ATN1: variants seen among roughly 807,000 people sequenced by gnomAD.
ATN1 encodes the protein atrophin 1.
Under a neutral mutation model 85.8 loss-of-function variants are expected in ATN1, and 19 were observed. The ratio of observed to expected loss-of-function variants is 0.22; its 90% CI spans 0.15 to 0.32. The LOEUF (loss-of-function observed/expected upper bound fraction) is 0.32, where lower values mean the gene tolerates loss of function less well. ATN1 is among the 10% of genes least tolerant of loss of function. The probability of loss-of-function intolerance (pLI) is 1.00; values close to 1 mark genes in which losing one functional copy is unlikely to be tolerated. For missense variants in ATN1, 1,453 were observed against 1,564.5 expected, an observed-to-expected ratio of 0.93 and a Z score of 1.20; for synonymous variants, 674 against 657.0, an observed-to-expected ratio of 1.03 and a Z score of -0.39.
chr12:6,937,462 A>C lies in ATN1; in HGVS notation c.2195A>C (p.Glu732Ala). Residue 732 changes from glutamate to alanine, a missense_variant, in exon 5 of 10, where the codon GAG becomes GCG. Physicochemically the swap from Glu to Ala is moderately radical, Grantham distance 107. Coordinates refer to ENST00000396684, the MANE Select transcript of ATN1 (RefSeq NM_001940.4). The surrounding 1 kb of genome is among the most constrained non-coding windows in gnomAD (Gnocchi z 6.0). ...ACGCAGATCAAACAGGAGCCGGCTGAGGAGTATGAGACCCCCGAGAGCCCG... is the reference window on the plus strand; with the variant it reads ...ACGCAGATCAAACAGGAGCCGGCTGCGGAGTATGAGACCCCCGAGAGCCCG... ...SATQIKQEPAEEYETPESPVP... is the reference protein window; with the variant it reads ...SATQIKQEPAAEYETPESPVP... 1 of 1,546,684 alleles carries C rather than the reference A, an allele frequency of 6.5e-7. No individual in the cohort carries two copies. The highest frequency in any genetic ancestry group is 8.7e-7 in the Non-Finnish European group (1 of 1,147,218).
chr12:6,934,679 G>T lies in ATN1; in HGVS notation c.279+101G>T, dbSNP rs1030567215. ...TAGCTGGATCTCTCCTGGGACATAA[G>T]AGAAAGGCCAGATCATAGTGCTTAT... On this transcript the variant is annotated intron_variant, in intron 4 of 9. Coordinates refer to ENST00000396684, the MANE Select transcript of ATN1 (RefSeq NM_001940.4). The surrounding 1 kb of genome is among the most constrained non-coding windows in gnomAD (Gnocchi z 4.5). 3 of 865,220 alleles carry T rather than the reference G, an allele frequency of 3.5e-6. No homozygotes were observed. Among genetic ancestry groups the T allele is most frequent in the Non-Finnish European group, 5.6e-6 (3 of 536,688 alleles). The allele number at this position is 865,220 out of a possible 1,614,324, so 53.6% of individuals were successfully genotyped here.
In ATN1 at chr12:6,941,394, C is replaced by T. The variant is rs1945632599; in HGVS notation, c.3379C>T (p.Pro1127Ser). Residue 1127 changes from proline to serine, a missense_variant, in exon 9 of 10, where the codon CCG (proline) becomes TCG (serine). Coordinates refer to ENST00000396684, the MANE Select transcript of ATN1 (RefSeq NM_001940.4). This position sits in a 1 kb window ranked among gnomAD's most constrained non-coding sequence, Gnocchi z 5.9. The stretch of plus-strand genomic sequence containing the variant: ...CACAGCTGCCCCTTACCGGGACCTG[C>T]CGGCCTCCCTTTCTGCCCCGATGTC... ...QLFAAPYRDLPASLSAPMSAA... is the reference protein window; with the variant it reads ...QLFAAPYRDLSASLSAPMSAA... 6.2e-7 allele frequency: 1 copy of T among 1,603,076 alleles called. No individual in the cohort carries two copies. The highest frequency in any genetic ancestry group is 8.5e-7 in the Non-Finnish European group (1 of 1,173,882).
At position 6,941,156 on chromosome 12, in the gene ATN1, G is replaced by A; in HGVS notation, c.3358+133G>A. ...CTAGAGGAGCTGGGCATGGGAATAGGAGAGCTGGAGCTCTGCCCAAGAGAA... is the reference window on the plus strand; with the variant it reads ...CTAGAGGAGCTGGGCATGGGAATAGAAGAGCTGGAGCTCTGCCCAAGAGAA... On this transcript the variant is annotated intron_variant, in intron 8 of 9. Coordinates refer to ENST00000396684, the MANE Select transcript of ATN1 (RefSeq NM_001940.4). The surrounding 1 kb of genome is among the most constrained non-coding windows in gnomAD (Gnocchi z 5.9). 7.8e-7 allele frequency: 1 copy of A among 1,283,480 alleles called. No individual in the cohort carries two copies. The highest frequency in any genetic ancestry group is 1.5e-5 in the South Asian group (1 of 67,812). 79.5% of individuals were successfully genotyped at this position (1,283,480 alleles called of 1,614,324 possible).
Position 6,934,604 on chromosome 12 carries a change from A to T in ATN1, c.279+26A>T. On this transcript the variant is annotated intron_variant, in intron 4 of 9. Transcript: ENST00000396684. This position sits in a 1 kb window ranked among gnomAD's most constrained non-coding sequence, Gnocchi z 4.5. ...GTGGGAAACCCTTGTCGCCATCCTGACCCATCTTGTGACCATTCTTTTCTC... is the reference window on the plus strand; with the variant it reads ...GTGGGAAACCCTTGTCGCCATCCTGTCCCATCTTGTGACCATTCTTTTCTC... 6.7e-7 allele frequency: 1 copy of T among 1,493,268 alleles called. No individual in the cohort carries two copies. Among genetic ancestry groups the T allele is most frequent in the Non-Finnish European group, 9.1e-7 (1 of 1,093,600 alleles). 92.5% of individuals were successfully genotyped at this position (1,493,268 alleles called of 1,614,324 possible). A position where few individuals can be genotyped will look rare whatever the true frequency, so the allele number is the denominator to read the frequency against.
chr12:6,938,790 C>T lies in ATN1; in HGVS notation c.2827C>T (p.Arg943Cys). Residue 943 changes from arginine to cysteine, a missense_variant, in exon 7 of 10, where the codon CGT (arginine) becomes TGT (cysteine). Arg to Cys is a radical substitution (Grantham distance 180). Around this residue, in one of 6 missense-constraint regions of ATN1, gnomAD observed 208 missense variants for 263.4 expected, o/e 0.79. Transcript: ENST00000396684. ...ACGGGAAGCCCGTGAACGAGACCTC[C>T]GTGACCGCCTCAAGCCTGGCTTTGA... Reference protein sequence around the residue: ...REREARERDLRDRLKPGFEVK... With the variant: ...REREARERDLCDRLKPGFEVK... 1 of 1,614,132 alleles carries T rather than the reference C, an allele frequency of 6.2e-7. No individual in the cohort carries two copies. Among genetic ancestry groups the T allele is most frequent in the Non-Finnish European group, 8.5e-7 (1 of 1,180,040 alleles).
chr12:6,930,261 T>A (rs1363470190), intron 1 of ATN1, among the ~76,000 whole-genome samples: 1 of 152,176 alleles, frequency 6.6e-6, no homozygotes, highest in Non-Finnish European at 1.5e-5. Context: ...GCTGCATTGT[T>A]ATCTAGGAGT....
chr12:6,933,221 CTTTTT>C (rs782089414), intron 1 of ATN1, among the ~76,000 whole-genome samples: 1 of 144,394 alleles, frequency 6.9e-6, no homozygotes, highest in Non-Finnish European at 1.5e-5. Context: ...TTTCTTTTTT[CTTTTT>C]TTTTTTTTGA....
chr12:6,941,738 C>T lies in ATN1; in HGVS notation c.3540-9C>T, dbSNP rs377078262. ...CTTACCTCTCTGCTATGCACTGCCC[C>T]TTCCCTAGTCACCTGAAGAAGGAAA... On this transcript the variant is annotated splice_polypyrimidine_tract_variant and intron_variant, in intron 9 of 9. Coordinates refer to ENST00000396684, the MANE Select transcript of ATN1 (RefSeq NM_001940.4). This position sits in a 1 kb window ranked among gnomAD's most constrained non-coding sequence, Gnocchi z 5.9. 4.3e-6 allele frequency: 7 copies of T among 1,613,852 alleles called. No homozygotes were observed. The highest frequency in any genetic ancestry group is 5.9e-6 in the Non-Finnish European group (7 of 1,179,848).
chr12:6,935,517 G>C lies in ATN1; in HGVS notation c.280-30G>C, dbSNP rs782237639. On this transcript the variant is annotated intron_variant, in intron 4 of 9. Transcript: ENST00000396684. The surrounding 1 kb of genome is among the most constrained non-coding windows in gnomAD (Gnocchi z 5.3). Reference sequence around the variant, plus strand: ...ATCTCAGGGAAGCAGGAAAGGAAAAGAGAAAAAATGAGTCTTCCCTTTTCT... The same window carrying C: ...ATCTCAGGGAAGCAGGAAAGGAAAACAGAAAAAATGAGTCTTCCCTTTTCT... 6.3e-7 allele frequency: 1 copy of C among 1,595,510 alleles called. No homozygotes were observed.
chr12:6,939,023 G>A lies in ATN1; in HGVS notation c.3060G>A (p.Arg1020=). 6.2e-7 allele frequency: 1 copy of A among 1,610,612 alleles called. No individual in the cohort carries two copies. The highest frequency in any genetic ancestry group is 8.5e-7 in the Non-Finnish European group (1 of 1,180,010). The stretch of plus-strand genomic sequence containing the variant: ...GGCCTGACATGTCCTATGCTGAGCG[G>A]CTGGCAGCTGAGAGGCAGCACGCAG... ...ALRPDMSYAE[R]LAAERQHAER... is the part of the protein sequence containing the mutation. The change falls in exon 7 of 10, where the codon CGG becomes CGA. Residue 1020 remains arginine, a synonymous_variant. Transcript: ENST00000396684.
Position 6,942,139 on chromosome 12 carries a change from C to T in ATN1, c.*359C>T, listed in dbSNP as rs1347076119. 7 of 327,302 alleles carry T rather than the reference C, an allele frequency of 2.1e-5. No individual in the cohort carries two copies. The highest frequency in any genetic ancestry group is 4.2e-5 in the Admixed American group (1 of 23,530). 20.3% of individuals were successfully genotyped at this position (327,302 alleles called of 1,614,324 possible). A position where few individuals can be genotyped will look rare whatever the true frequency, so the allele number is the denominator to read the frequency against. On this transcript the variant is annotated 3_prime_UTR_variant, in exon 10 of 10. Coordinates refer to ENST00000396684, the MANE Select transcript of ATN1 (RefSeq NM_001940.4). ...TCATCTGTTAGATGTGGCTGTTTTG[C>T]GTAGCATCGTGTGCCACCCCTGCCC... is the stretch of plus-strand genomic sequence containing the variant.
rs782715706 is a variant in ATN1 at position 6,935,974 on chromosome 12, A to G, written c.707A>G (p.Lys236Arg). ...GVLSGPPMGP[K>R]GGGAASSVGG... ...TTGTCTGGACCCCCAATGGGTCCCA[A>G]GGGGGGAGGGGCTGCCTCATCAGTG... Residue 236 changes from lysine to arginine, a missense_variant, in exon 5 of 10, where the codon AAG becomes AGG. By Grantham distance (26) the Lys-to-Arg change is conservative. Around this residue, in one of 6 missense-constraint regions of ATN1, gnomAD observed 990 missense variants for 914.8 expected, o/e 1.08. Coordinates refer to ENST00000396684, the MANE Select transcript of ATN1 (RefSeq NM_001940.4). This position sits in a 1 kb window ranked among gnomAD's most constrained non-coding sequence, Gnocchi z 5.3. 1 of 1,589,370 alleles carries G rather than the reference A, an allele frequency of 6.3e-7. No individual in the cohort carries two copies. Among genetic ancestry groups the G allele is most frequent in the East Asian group, 2.2e-5 (1 of 44,654 alleles).
In ATN1 at chr12:6,936,449, C is replaced by G. The variant is rs1369213372; in HGVS notation, c.1182C>G (p.Ser394=). 6.2e-7 allele frequency: 1 copy of G among 1,610,074 alleles called. No individual in the cohort carries two copies. The highest frequency in any genetic ancestry group is 2.2e-5 in the East Asian group (1 of 44,834). ...CCTCTTCCAGTTCTTCCTCCTCTTCCTCTGCCTCCCCCTTCCCAGCTTCCC... is the reference window on the plus strand; with the variant it reads ...CCTCTTCCAGTTCTTCCTCCTCTTCGTCTGCCTCCCCCTTCCCAGCTTCCC... ...AASSSSSSSS[S]SASPFPASQA... Residue 394 remains serine (S), a synonymous_variant, in exon 5 of 10, where the codon TCC becomes TCG. Coordinates refer to ENST00000396684, the MANE Select transcript of ATN1 (RefSeq NM_001940.4).
In ATN1 at chr12:6,937,525, T is replaced by C. The variant is rs1565567743; in HGVS notation, c.2258T>C (p.Val753Ala). The stretch of plus-strand genomic sequence containing the variant: ...CGCAGCCCCTCGCCCCCTCCCAAGG[T>C]GGTAGATGTACCCAGCCATGCCAGT... The part of the protein sequence containing the change: ...PARSPSPPPK[V>A]VDVPSHASQS... Residue 753 changes from valine (V) to alanine (A), a missense_variant, in exon 5 of 10, where the codon GTG (valine) becomes GCG (alanine). Around this residue, in one of 6 missense-constraint regions of ATN1, gnomAD observed 990 missense variants for 914.8 expected, o/e 1.08. Transcript: ENST00000396684. The surrounding 1 kb of genome is among the most constrained non-coding windows in gnomAD (Gnocchi z 6.0). 6.5e-7 allele frequency: 1 copy of C among 1,530,112 alleles called. No individual in the cohort carries two copies. Among genetic ancestry groups the C allele is most frequent in the Admixed American group, 2.1e-5 (1 of 46,940 alleles). 94.8% of individuals were successfully genotyped at this position (1,530,112 alleles called of 1,614,324 possible).
In ATN1 at chr12:6,928,294, G is replaced by C. The variant is rs1319860561; in HGVS notation, c.-253G>C. On this transcript the variant is annotated 5_prime_UTR_variant, in exon 1 of 10. Transcript: ENST00000396684. ...GCGACTGAGGCCGAGAAGAGGAGAG[G>C]GGGGCGGGGGAGCTGCCGCCGCCGC... 3 of 149,308 alleles carry C rather than the reference G, an allele frequency of 2.0e-5. No individual in the cohort carries two copies. The highest frequency in any genetic ancestry group is 7.4e-5 in the African/African-American group (3 of 40,700). 9.2% of individuals were successfully genotyped at this position (149,308 alleles called of 1,614,324 possible). A position where few individuals can be genotyped will look rare whatever the true frequency, so the allele number is the denominator to read the frequency against.
chr12:6,930,741 A>G (rs996670832), intron 1 of ATN1, among the ~76,000 whole-genome samples: 10 of 152,176 alleles, frequency 6.6e-5, no homozygotes, highest in Non-Finnish European at 1.5e-5. Context: ...GCTTGCAGTG[A>G]GCCGAGCCGA....
chr12:6,925,256 T>A (rs1591656129), upstream of ATN1, among the ~76,000 whole-genome samples: 1 of 152,018 alleles, frequency 6.6e-6, no homozygotes, highest in African/African-American at 2.4e-5. Context: ...CCATCCCCTA[T>A]CCCCACATAT....
At position 6,929,017 on chromosome 12, in the gene ATN1, G is replaced by A. The variant is rs1251475373; in HGVS notation, c.-163+633G>A. Among the ~76,000 whole-genome samples, 4 of 152,168 alleles carry A rather than the reference G, an allele frequency of 2.6e-5. No individual in the cohort carries two copies. In the South Asian group the frequency reaches 8.3e-4, roughly 32 times the overall value. On this transcript the variant is annotated intron_variant, in intron 1 of 9. Transcript: ENST00000396684. Reference sequence around the variant, plus strand: ...AGGTTTTCCAGCGTGGAAGAGGGAAGGCCATGTCTTTGTGACGGTTTTCAT... The same window carrying A: ...AGGTTTTCCAGCGTGGAAGAGGGAAAGCCATGTCTTTGTGACGGTTTTCAT...
In ATN1 at chr12:6,933,986, C is replaced by T. The variant is rs782405840; in HGVS notation, c.-16C>T. ...CTGCCCAGGCAGAGGAGAATGGGGTCTCCACAGCCTGAAGAATGAAGACAC... is the reference window on the plus strand; with the variant it reads ...CTGCCCAGGCAGAGGAGAATGGGGTTTCCACAGCCTGAAGAATGAAGACAC... On this transcript the variant is annotated 5_prime_UTR_variant, in exon 2 of 10. Transcript: ENST00000396684. 2 of 1,600,602 alleles carry T rather than the reference C, an allele frequency of 1.2e-6. No homozygotes were observed. Among genetic ancestry groups the T allele is most frequent in the South Asian group, 1.1e-5 (1 of 88,748 alleles).
Sources: allele counts gnomAD v4.1 joint callset (sites outside exome capture counted in the v4.1 genomes callset), GRCh38; gene constraint gnomAD v4.1.1; regional missense constraint gnomAD v4.1.1; non-coding constraint Gnocchi (gnomAD v3.1); transcripts MANE v1.5; gene names NCBI Gene and HGNC (gene_info 2026-07-23, HGNC 2026-07-21).